CCDC102B: variants seen among roughly 807,000 people sequenced by gnomAD.
CCDC102B encodes coiled-coil domain containing 102B, also known as coiled-coil domain-containing protein 102B.
In CCDC102B, 75 loss-of-function variants were observed where a neutral mutation model predicts 57.4. That is an observed-to-expected ratio of 1.31 (90% CI 1.08 to 1.58). CCDC102B has a LOEUF of 1.58. Ranked by LOEUF, CCDC102B falls within the 40% of genes most tolerant of loss-of-function variation. The pLI, the probability that CCDC102B is intolerant of heterozygous loss-of-function variation, is 0.00. For synonymous variants in CCDC102B, 206 were observed against 201.9 expected (o/e 1.02, Z -0.17); for missense variants, 636 against 582.6 (o/e 1.09, Z -0.94).
intron 1 of CCDC102B, among the ~76,000 whole-genome samples, chr18:68,804,864 C>CTTT (rs202008892): frequency 5.0e-5 from 7 of 140,830 alleles, no homozygotes; most frequent in East Asian, 4.1e-4. Context: ...GGATCAAAAT[C>CTTT]TTTTTTTTTT....
intron 6 of CCDC102B, among the ~76,000 whole-genome samples, chr18:68,998,745 CAGTCT>C (rs1196320498): frequency 6.6e-6 from 1 of 151,844 alleles, no homozygotes; most frequent in Non-Finnish European, 1.5e-5. Flanking sequence ...AAGACTCAGT[CAGTCT>C]AGTCTTTCCA....
chr18:68,847,166 ATATAAG>A (rs1399484053), intron 4 of CCDC102B, among the ~76,000 whole-genome samples: 3 of 151,366 alleles, frequency 2.0e-5, no homozygotes, highest in East Asian at 2.0e-4. Flanking sequence ...TGTGTGTGCA[ATATAAG>A]TATAAGGTAT....
chr18:68,863,146 C>G (rs2038831553), intron 4 of CCDC102B, among the ~76,000 whole-genome samples: 1 of 149,542 alleles, frequency 6.7e-6, no homozygotes, highest in Non-Finnish European at 1.5e-5. Context: ...AAAGGGCAGA[C>G]ATCTTGATTG....
At chr18:69,051,047 G>C (rs1043288137) in intron 7 of CCDC102B, among the ~76,000 whole-genome samples, 1 of 151,904 alleles carries the variant, frequency 6.6e-6, no homozygotes, top group African/African-American at 2.4e-5. Context: ...ACCAGGCCTG[G>C]CTATTTTTAT....
intron 1 of CCDC102B, among the ~76,000 whole-genome samples, chr18:68,836,315 A>C (rs2037363365): frequency 6.6e-6 from 1 of 152,058 alleles, no homozygotes. Flanking sequence ...ATTTTTAGTT[A>C]CACTGGAAAA....
intron 2 of CCDC102B, among the ~76,000 whole-genome samples, chr18:68,770,384 T>C (rs1230560706): frequency 6.6e-6 from 1 of 152,238 alleles, no homozygotes; most frequent in Non-Finnish European, 1.5e-5. Flanking sequence ...TATGTATCCA[T>C]GTGTCAGTTG....
chr18:68,779,906 G>A (rs1436613843), intron 2 of CCDC102B, among the ~76,000 whole-genome samples: 1 of 152,024 alleles, frequency 6.6e-6, no homozygotes, highest in East Asian at 1.9e-4. Context: ...AATAGTTTTA[G>A]TATATTCACA....
intron 3 of CCDC102B, among the ~76,000 whole-genome samples, chr18:68,842,597 A>T (rs1032948659): frequency 1.3e-5 from 2 of 152,176 alleles, no homozygotes; most frequent in South Asian, 4.1e-4. Context: ...AATAGACAGC[A>T]TCTAGAATCC....
At chr18:68,783,315 T>C (rs145832812) in intron 2 of CCDC102B, among the ~76,000 whole-genome samples, 1 of 152,278 alleles carries the variant, frequency 6.6e-6, no homozygotes, top group African/African-American at 2.4e-5. Flanking sequence ...TTTTAGTGCT[T>C]GTTGCAGTCT....
intron 6 of CCDC102B, among the ~76,000 whole-genome samples, chr18:68,963,869 C>A (rs769801608): frequency 7.3e-5 from 11 of 151,542 alleles, no homozygotes; most frequent in Non-Finnish European, 1.2e-4. Flanking sequence ...TCTAATAATT[C>A]TTCTAGATGA....
chr18:68,846,083 G>A (rs2037842197), intron 3 of CCDC102B, among the ~76,000 whole-genome samples: 1 of 151,638 alleles, frequency 6.6e-6, no homozygotes, highest in Non-Finnish European at 1.5e-5. Context: ...TACTGGCAAA[G>A]CCAAATTAAA....
Position 68,717,584 on chromosome 18 carries a change from A to G in CCDC102B, c.-67+990A>G, listed in dbSNP as rs561520599. Among the ~76,000 whole-genome samples, 11 of 152,344 alleles carry G rather than the reference A, an allele frequency of 7.2e-5. No homozygotes were observed. In the South Asian group the frequency reaches 1.9e-3, roughly 26 times the overall value. ...AATGCATTAATCTGAAAATGATTTA[A>G]TAAACCAATAAACTTTTTAGGCTTT... On this transcript the variant is annotated intron_variant, in intron 2 of 3. Coordinates refer to the CCDC102B transcript ENST00000578970.
intron 1 of CCDC102B, among the ~76,000 whole-genome samples, chr18:68,825,216 A>C (rs937830816): frequency 2.0e-5 from 3 of 152,234 alleles, no homozygotes; most frequent in Non-Finnish European, 4.4e-5. Context: ...GACATGCTTA[A>C]AAATTTTAAT....
intron 6 of CCDC102B, among the ~76,000 whole-genome samples, chr18:68,963,213 T>G (rs888774233): frequency 3.3e-5 from 5 of 151,926 alleles, no homozygotes; most frequent in African/African-American, 4.8e-5. Flanking sequence ...GGGAAGAACC[T>G]CATAAAATTC....
intron 2 of CCDC102B, among the ~76,000 whole-genome samples, chr18:68,749,109 G>A (rs1664094279): frequency 6.6e-6 from 1 of 152,030 alleles, no homozygotes; most frequent in Non-Finnish European, 1.5e-5. Flanking sequence ...TATTTCTGAG[G>A]GCTCTGTTCT....
intron 1 of CCDC102B, among the ~76,000 whole-genome samples, chr18:68,815,148 A>C (rs1292760300): frequency 6.6e-6 from 1 of 152,194 alleles, no homozygotes; most frequent in Non-Finnish European, 1.5e-5. Context: ...TTAAGTCATT[A>C]AAAGGTAAAT....
chr18:69,009,925 T>TTTTTTTTTTTTG (rs2051460107), intron 6 of CCDC102B, among the ~76,000 whole-genome samples: 1 of 23,396 alleles, frequency 4.3e-5, no homozygotes, highest in East Asian at 1.2e-3. Context: ...TTAATAAAGA[T>TTTTTTTTTTTTG]TTTTTTTTTT....
chr18:68,854,326 C>A (rs1599570455), intron 4 of CCDC102B, among the ~76,000 whole-genome samples: 1 of 152,036 alleles, frequency 6.6e-6, no homozygotes, highest in Non-Finnish European at 1.5e-5. Flanking sequence ...TCTGGAACTC[C>A]CGACCTCAGG....
intron 4 of CCDC102B, among the ~76,000 whole-genome samples, chr18:68,851,387 TAA>T (rs1165567243): frequency 2.6e-5 from 4 of 152,176 alleles, no homozygotes; most frequent in African/African-American, 9.7e-5. Flanking sequence ...GTGAGGCAGA[TAA>T]AACACCATAG....
Sources: gnomAD v4.1 joint callset for allele counts (sites outside exome capture counted in the v4.1 genomes callset) on GRCh38, gnomAD v4.1.1 for gene constraint, MANE v1.5 for transcripts, NCBI Gene and HGNC (gene_info 2026-07-23, HGNC 2026-07-21) for gene names.